Variants in LUZP2 observed in about 807,000 individuals in gnomAD.
LUZP2 encodes the protein leucine zipper protein 2.
In LUZP2, 52 loss-of-function variants were observed where a neutral mutation model predicts 51.6. The ratio of observed to expected loss-of-function variants is 1.01; its 90% CI spans 0.81 to 1.27. LUZP2 has a LOEUF of 1.27. Ranked by LOEUF, LUZP2 falls within the 50% of genes most tolerant of loss-of-function variation. The pLI is 0.00. For synonymous variants in LUZP2, 154 were observed against 137.3 expected, an observed-to-expected ratio of 1.12 and a Z score of -0.85; for missense variants, 436 against 395.4, an observed-to-expected ratio of 1.10 and a Z score of -0.87.
chr11:24,944,703 T>A (rs1439862126), intron 7 of LUZP2, among the ~76,000 whole-genome samples: 2 of 151,966 alleles, frequency 1.3e-5, no homozygotes, highest in Non-Finnish European at 2.9e-5. Flanking sequence ...GCAGATGGAG[T>A]AGCATGGTCA....
At chr11:24,917,492 A>G (rs1010516000) in intron 7 of LUZP2, among the ~76,000 whole-genome samples, 1 of 152,128 alleles carries the variant, frequency 6.6e-6, no homozygotes, top group Non-Finnish European at 1.5e-5. Context: ...TCTTTAATCC[A>G]TCTTGAATTA....
intron 9 of LUZP2, among the ~76,000 whole-genome samples, chr11:25,024,402 C>A (rs368921123): frequency 1.3e-5 from 2 of 151,654 alleles, no homozygotes; most frequent in Admixed American, 6.6e-5. Context: ...AAAACCCCAT[C>A]GTCTCAGCCC....
Position 24,691,700 on chromosome 11 carries a change from C to T in LUZP2, c.63-37469C>T, listed in dbSNP as rs189381774. Among the ~76,000 whole-genome samples, 938 of 152,014 alleles carry T rather than the reference C, an allele frequency of 6.2e-3. 6 individuals are homozygous for T. Among genetic ancestry groups the T allele is most frequent in the South Asian group, 0.013 (61 of 4,816 alleles). On this transcript the variant is annotated intron_variant, in intron 1 of 11. Transcript: ENST00000336930. Reference sequence around the variant, plus strand: ...AGTACCATTGTATTAGAAAGATGGACTGGTGGAAGGAGACTTAACAAGTTG... The same window carrying T: ...AGTACCATTGTATTAGAAAGATGGATTGGTGGAAGGAGACTTAACAAGTTG...
intron 1 of LUZP2, among the ~76,000 whole-genome samples, chr11:24,660,467 G>GA (rs377438637): frequency 4.3e-3 from 648 of 151,960 alleles, no homozygotes; most frequent in Non-Finnish European, 7.6e-3. Flanking sequence ...ATTTTTGATG[G>GA]AAAAAAATAC....
chr11:24,897,542 C>A (rs540600174), intron 5 of LUZP2, among the ~76,000 whole-genome samples: 1 of 152,000 alleles, frequency 6.6e-6, no homozygotes, highest in Admixed American at 6.6e-5. Context: ...TAACACTCAC[C>A]GCGAAGGTCT....
rs374111977 is a variant in LUZP2 at position 24,738,462 on chromosome 11, T to C, written c.333+160T>C. Among the ~76,000 whole-genome samples, 12 of 152,224 alleles carry C rather than the reference T, an allele frequency of 7.9e-5. No homozygotes were observed. The East Asian group carries it at 1.9e-3, about 25-fold the overall frequency. On this transcript the variant is annotated intron_variant, in intron 4 of 11. Coordinates refer to ENST00000336930, the MANE Select transcript of LUZP2 (RefSeq NM_001009909.4). ...GTGAACAGAATAGTACTTGGTCAGC[T>C]TTCATTCCTGGAAAAGGTTAGTGTT...
chr11:24,962,962 G>T (rs1855461646), intron 7 of LUZP2, among the ~76,000 whole-genome samples: 1 of 152,148 alleles, frequency 6.6e-6, no homozygotes, highest in African/African-American at 2.4e-5. Context: ...CTTTCTGTTT[G>T]TTAGTTTTCC....
At chr11:25,030,028 A>T (rs971257729) in intron 9 of LUZP2, among the ~76,000 whole-genome samples, 1 of 152,158 alleles carries the variant, frequency 6.6e-6, no homozygotes, top group Non-Finnish European at 1.5e-5. Context: ...TTGGGGCATT[A>T]TTAAGATTAC....
chr11:24,730,272 G>C (rs1022268244), intron 2 of LUZP2, among the ~76,000 whole-genome samples: 1 of 151,696 alleles, frequency 6.6e-6, no homozygotes, highest in Non-Finnish European at 1.5e-5. Context: ...TTTCATAGGT[G>C]AGAAAACAGA....
chr11:24,909,404 T>C (rs1488581488), intron 6 of LUZP2, among the ~76,000 whole-genome samples: 3 of 151,948 alleles, frequency 2.0e-5, no homozygotes, highest in Non-Finnish European at 4.4e-5. Flanking sequence ...GCATCAATTA[T>C]GTGGAAGAAT....
chr11:24,573,830 T>C (rs1852517943), intron 1 of LUZP2, among the ~76,000 whole-genome samples: 1 of 151,342 alleles, frequency 6.6e-6, no homozygotes, highest in South Asian at 2.1e-4. Context: ...CACAAGAGAA[T>C]CTTTTTTAAA....
At chr11:24,507,982 A>C in intron 1 of LUZP2, among the ~76,000 whole-genome samples, 1 of 150,752 alleles carries the variant, frequency 6.6e-6, no homozygotes, top group East Asian at 1.9e-4. Context: ...TATAAATAAT[A>C]ATATAATATT....
chr11:24,897,488 G>C (rs1184652335), intron 5 of LUZP2, among the ~76,000 whole-genome samples: 1 of 152,010 alleles, frequency 6.6e-6, no homozygotes, highest in Admixed American at 6.6e-5. Context: ...AACAACTCTG[G>C]ACGGGAGGAA....
At chr11:24,600,810 TG>T (rs1275399631) in intron 1 of LUZP2, among the ~76,000 whole-genome samples, 2 of 152,076 alleles carry the variant, frequency 1.3e-5, no homozygotes, top group Non-Finnish European at 2.9e-5. Context: ...CTATTATAGC[TG>T]TTTAAAAAGA....
At chr11:24,633,956 G>GTATATATA (rs1448184219) in intron 1 of LUZP2, among the ~76,000 whole-genome samples, 2,865 of 114,542 alleles carry the variant, frequency 0.025, 38 homozygotes, top group Middle Eastern at 0.065. Context: ...GTGTGTGTGT[G>GTATATATA]TGTGTGTGTA....
At chr11:24,597,007 A>G (rs965742605) in intron 1 of LUZP2, among the ~76,000 whole-genome samples, 2 of 152,288 alleles carry the variant, frequency 1.3e-5, no homozygotes. Context: ...AAATGAGACT[A>G]TGGTTTATAG....
intron 5 of LUZP2, among the ~76,000 whole-genome samples, chr11:24,815,754 A>G (rs1423311593): frequency 6.6e-6 from 1 of 152,154 alleles, no homozygotes; most frequent in East Asian, 1.9e-4. Context: ...GTTTTCAAGT[A>G]TAAAATGCTC....
intron 1 of LUZP2, among the ~76,000 whole-genome samples, chr11:24,565,393 C>T (rs1455038851): frequency 6.6e-6 from 1 of 152,096 alleles, no homozygotes; most frequent in Admixed American, 6.6e-5. Flanking sequence ...TACTCAACAT[C>T]CTATGAGCAT....
rs138187252 is a variant in LUZP2 at position 24,549,579 on chromosome 11, G to A, written c.62+52274G>A. ...CTGTATGTGCAATACTTTTATACAA[G>A]CGGAAGCAAGTAGGTGTATTTACAC... On this transcript the variant is annotated intron_variant, in intron 1 of 11. Transcript: ENST00000336930. Among the ~76,000 whole-genome samples the A allele has an allele frequency of 1.6e-3, 241 of 152,050 alleles. 1 individual carries two copies. Among genetic ancestry groups the A allele is most frequent in the African/African-American group, 5.1e-3 (213 of 41,490 alleles).
Sources: allele counts gnomAD v4.1 joint callset (sites outside exome capture counted in the v4.1 genomes callset), GRCh38; gene constraint gnomAD v4.1.1; transcripts MANE v1.5; gene names NCBI Gene and HGNC (gene_info 2026-07-23, HGNC 2026-07-21).